Variants in IL12RB1 observed in about 807,000 individuals in gnomAD.
IL12RB1 encodes the protein interleukin-12 receptor subunit beta-1.
A neutral mutation model predicts 94.4 loss-of-function variants in IL12RB1; 64 were observed. The observed-to-expected ratio is 0.68, with a 90% CI of 0.55 to 0.83. The LOEUF is 0.83. Ranked by LOEUF, IL12RB1 falls within the 40% of genes least tolerant of loss-of-function variation. The probability of loss-of-function intolerance (pLI) is 0.00; values close to 1 mark genes in which losing one functional copy is unlikely to be tolerated. For synonymous variants in IL12RB1, 362 were observed against 355.5 expected (o/e 1.02, Z -0.21); for missense variants, 814 against 855.6 (o/e 0.95, Z 0.61).
chr19:18,094,277 C>A (rs2036781002), intron 1 of IL12RB1, among the ~76,000 whole-genome samples: 1 of 152,112 alleles, frequency 6.6e-6, no homozygotes, highest in South Asian at 2.1e-4. Context: ...TACAGGCGTG[C>A]CCCATTACGC....
At chr19:18,068,557 A>T in intron 10 of IL12RB1, 31 bp from the exon 11 acceptor site, 2 of 1,603,136 alleles carry the variant, frequency 1.2e-6, no homozygotes, top group Non-Finnish European at 1.7e-6. Flanking sequence ...CAGGCCATTC[A>T]GTAGATTGTG....
At chr19:18,085,313 T>C (rs17878291) in intron 1 of IL12RB1, among the ~76,000 whole-genome samples, 2,084 of 151,352 alleles carry the variant, frequency 0.014, 69 homozygotes, top group African/African-American at 0.048. Context: ...CTTCCATCTC[T>C]CTCTGTGATG....
At chr19:18,078,646 A>G (rs576049276) in intron 4 of IL12RB1, among the ~76,000 whole-genome samples, 1 of 151,694 alleles carries the variant, frequency 6.6e-6, no homozygotes, top group Non-Finnish European at 1.5e-5. Flanking sequence ...AAGTGCTGGG[A>G]TTATAGGCAT....
In IL12RB1 at chr19:18,059,575, G is replaced by A. The variant is rs544880898; in HGVS notation, c.*33C>T. 2 of 779,970 alleles carry A rather than the reference G, an allele frequency of 2.6e-6. No homozygotes were observed. The highest frequency in any genetic ancestry group is 3.4e-5 in the African/African-American group (2 of 59,220). 48.3% of individuals were successfully genotyped at this position (779,970 alleles called of 1,614,324 possible). A position where few individuals can be genotyped will look rare whatever the true frequency, so the allele number is the denominator to read the frequency against. Reference sequence around the variant, plus strand: ...CTCCTGTGTGTGCTACGTAGCCTCGGGCGAGTCACTCACCCTCTCTGAGCC... The same window carrying A: ...CTCCTGTGTGTGCTACGTAGCCTCGAGCGAGTCACTCACCCTCTCTGAGCC... On this transcript the variant is annotated 3_prime_UTR_variant, in exon 17 of 17. Coordinates refer to ENST00000593993, the MANE Select transcript of IL12RB1 (RefSeq NM_005535.3).
At chr19:18,089,777 T>C (rs1176571875), upstream of IL12RB1, among the ~76,000 whole-genome samples, 2 of 151,940 alleles carry the variant, frequency 1.3e-5, no homozygotes, top group Non-Finnish European at 2.9e-5. Context: ...GTGGCCAGGG[T>C]TGTGCAATGC....
chr19:18,085,354 T>C (rs1430807187), intron 1 of IL12RB1, among the ~76,000 whole-genome samples: 1 of 2,270 alleles, frequency 4.4e-4, no homozygotes, highest in Non-Finnish European at 1.0e-3. Context: ...CACCCACCCC[T>C]GAGAGCCTAA....
chr19:18,077,583 G>C lies in IL12RB1; in HGVS notation c.482C>G (p.Thr161Ser). Reference protein sequence around the residue: ...LAGQLRMEWETPDNQVGAEVQ... With the variant: ...LAGQLRMEWESPDNQVGAEVQ... Reference sequence around the variant, plus strand: ...CTCAGCACCAACCTGGTTATCCGGGGTCTCCCACTCCATACGCAGCTGCCC... The same window carrying C: ...CTCAGCACCAACCTGGTTATCCGGGCTCTCCCACTCCATACGCAGCTGCCC... Residue 161 changes from threonine to serine, a missense_variant, in exon 5 of 17, where the codon ACC (threonine) becomes AGC (serine). Physicochemically the swap from Thr to Ser is moderately conservative, Grantham distance 58. Transcript: ENST00000593993. 6.2e-7 allele frequency: 1 copy of C among 1,607,178 alleles called. No individual in the cohort carries two copies. Among genetic ancestry groups the C allele is most frequent in the Non-Finnish European group, 8.5e-7 (1 of 1,173,844 alleles).
chr19:18,067,344 A>AG (rs1035579462), intron 11 of IL12RB1, among the ~76,000 whole-genome samples: 13 of 150,494 alleles, frequency 8.6e-5, no homozygotes, highest in Non-Finnish European at 1.6e-4. Flanking sequence ...AAAAAAAAAA[A>AG]AAAAAAGGAG....
intron 1 of IL12RB1, among the ~76,000 whole-genome samples, chr19:18,095,473 G>C (rs1214497208): frequency 6.6e-6 from 1 of 152,160 alleles, no homozygotes; most frequent in Non-Finnish European, 1.5e-5. Flanking sequence ...TCCAGCACAG[G>C]AAAATTCATA....
chr19:18,096,234 C>T (rs2036920511), intron 1 of IL12RB1, among the ~76,000 whole-genome samples: 1 of 151,608 alleles, frequency 6.6e-6, no homozygotes, highest in Admixed American at 6.6e-5. Context: ...AGAGAGAGAC[C>T]CTGTCTCAAA....
intron 13 of IL12RB1, 29 bp from the exon 14 acceptor site, chr19:18,062,306 G>A (rs547030215): frequency 7.2e-7 from 1 of 1,394,988 alleles, no homozygotes; most frequent in Non-Finnish European, 1.0e-6. Flanking sequence ...GGTTGGCAGA[G>A]GGCTACCTCC....
Position 18,059,875 on chromosome 19 carries a change from GC to G in IL12RB1, c.1983+18del. ...GCAGGGTTGCACCCCTGACCGTCTG[GC>G]CCACTGGGCCCCAGGACCTTGGCCT... On this transcript the variant is annotated intron_variant, in intron 16 of 16. Transcript: ENST00000593993. 1 of 1,497,932 alleles carries G rather than the reference GC, an allele frequency of 6.7e-7. No homozygotes were observed. Among genetic ancestry groups the G allele is most frequent in the Non-Finnish European group, 9.1e-7 (1 of 1,094,272 alleles). 92.8% of individuals were successfully genotyped at this position (1,497,932 alleles called of 1,614,324 possible). A position where few individuals can be genotyped will look rare whatever the true frequency, so the allele number is the denominator to read the frequency against.
At chr19:18,091,994 A>G (rs937381997), upstream of IL12RB1, among the ~76,000 whole-genome samples, 4 of 150,198 alleles carry the variant, frequency 2.7e-5, no homozygotes, top group Non-Finnish European at 4.4e-5. Flanking sequence ...CTCCTGCCTC[A>G]GCCTCCTGAG....
intron 9 of IL12RB1, chr19:18,071,399 T>C (rs760820479): frequency 2.2e-6 from 2 of 894,588 alleles, no homozygotes; most frequent in Non-Finnish European, 3.1e-6. Flanking sequence ...CCTTTTTTCT[T>C]TCTTTCTCTC....
At chr19:18,084,932 G>A (rs1366638349) in intron 1 of IL12RB1, among the ~76,000 whole-genome samples, 2 of 152,250 alleles carry the variant, frequency 1.3e-5, no homozygotes, top group Non-Finnish European at 2.9e-5. Flanking sequence ...CATGGGGAAA[G>A]ACAGTAGAGG....
At chr19:18,063,551 G>T (rs2146116556) in intron 13 of IL12RB1, among the ~76,000 whole-genome samples, 1 of 152,300 alleles carries the variant, frequency 6.6e-6, no homozygotes, top group African/African-American at 2.4e-5. Flanking sequence ...TTGTAAACAA[G>T]GGCATGGCCA....
Position 18,082,274 on chromosome 19 carries a change from A to T in IL12RB1, c.125-10T>A. ...GGGCCCGAGGCCGAGCCTGGAAGAGATCCTGTAGGCTTGGGAACAGACCAG... is the reference window on the plus strand; with the variant it reads ...GGGCCCGAGGCCGAGCCTGGAAGAGTTCCTGTAGGCTTGGGAACAGACCAG... On this transcript the variant is annotated splice_polypyrimidine_tract_variant and intron_variant, in intron 2 of 16. Transcript: ENST00000593993. 6.5e-7 allele frequency: 1 copy of T among 1,546,170 alleles called. No homozygotes were observed. Among genetic ancestry groups the T allele is most frequent in the Non-Finnish European group, 8.9e-7 (1 of 1,121,378 alleles).
chr19:18,089,352 G>A (rs973983304), upstream of IL12RB1, among the ~76,000 whole-genome samples: 2 of 152,052 alleles, frequency 1.3e-5, no homozygotes, highest in African/African-American at 2.4e-5. Flanking sequence ...CGGCCCGGGC[G>A]CGGTGGCTCA....
intron 1 of IL12RB1, 62 bp downstream of exon 1, chr19:18,086,698 C>T (rs977639933): frequency 6.5e-7 from 1 of 1,527,024 alleles, no homozygotes. Context: ...CCACAGCTCT[C>T]CACACATACA....
Sources: allele counts gnomAD v4.1 joint callset (sites outside exome capture counted in the v4.1 genomes callset), GRCh38; gene constraint gnomAD v4.1.1; transcripts MANE v1.5; gene names NCBI Gene and HGNC (gene_info 2026-07-23, HGNC 2026-07-21).